HMMR: variants seen among roughly 807,000 people sequenced by gnomAD.
The protein encoded by HMMR is intracellular hyaluronic acid-binding protein.
In HMMR, 108 loss-of-function variants were observed where a neutral mutation model predicts 101.0. The ratio of observed to expected loss-of-function variants is 1.07; its 90% CI spans 0.92 to 1.25. HMMR has a LOEUF of 1.25. Ranked by LOEUF, HMMR falls within the 50% of genes most tolerant of loss-of-function variation. HMMR has a pLI of 0.00. For synonymous variants in HMMR, 296 were observed against 276.4 expected, an observed-to-expected ratio of 1.07 and a Z score of -0.70; for missense variants, 813 against 788.7, an observed-to-expected ratio of 1.03 and a Z score of -0.37.
Position 163,474,150 on chromosome 5 carries a change from G to T in HMMR, c.998G>T (p.Arg333Leu). 1 of 1,610,222 alleles carries T rather than the reference G, an allele frequency of 6.2e-7. No individual in the cohort carries two copies. The highest frequency in any genetic ancestry group is 8.5e-7 in the Non-Finnish European group (1 of 1,177,902). Residue 333 changes from arginine (R) to leucine (L), a missense_variant, in exon 10 of 18, where the codon CGT becomes CTT. By Grantham distance (102) the Arg-to-Leu change is moderately radical (BLOSUM62 -2). Transcript: ENST00000393915. ...AAGTTTATTCTTGAACAACAGGAAC[G>T]TGAAAAGCTTCAACAAAAAGAATTA... ...KQKFILEQQEREKLQQKELQI... is the reference protein window; with the variant it reads ...KQKFILEQQELEKLQQKELQI...
Position 163,471,474 on chromosome 5 carries a change from G to A in HMMR, c.650+11G>A. On this transcript the variant is annotated intron_variant, in intron 7 of 17. Transcript: ENST00000393915. The stretch of plus-strand genomic sequence containing the variant: ...ACTGGAGGGAAAACTGTAAGTGAGT[G>A]AATGTGAAGAGAAATTGTTAAGTGG... The A allele has an allele frequency of 1.3e-6, 2 of 1,547,804 alleles. No homozygotes were observed. Among genetic ancestry groups the A allele is most frequent in the Non-Finnish European group, 1.8e-6 (2 of 1,121,290 alleles).
chr5:163,486,321 T>C (rs887614059), intron 16 of HMMR, among the ~76,000 whole-genome samples: 3 of 152,220 alleles, frequency 2.0e-5, no homozygotes, highest in Non-Finnish European at 4.4e-5. Flanking sequence ...AACAATGTTT[T>C]ATAGTTTTCA....
At position 163,466,062 on chromosome 5, in the gene HMMR, G is replaced by A. The variant is rs182729110; in HGVS notation, c.225+1260G>A. 2.2e-4 allele frequency among the ~76,000 whole-genome samples: 33 copies of A among 151,352 alleles called. No homozygotes were observed. In the East Asian group the frequency reaches 5.1e-3, roughly 23 times the overall value. ...GTGGATTGCTTGAGGTCAAGAGTTC[G>A]AGACCAGCCTGACCCACATGGTGAA... On this transcript the variant is annotated intron_variant, in intron 3 of 17. Transcript: ENST00000393915.
chr5:163,470,977 G>A (rs1758868017), intron 5 of HMMR, among the ~76,000 whole-genome samples: 1 of 152,110 alleles, frequency 6.6e-6, no homozygotes, highest in South Asian at 2.1e-4. Flanking sequence ...CTGGACAGCG[G>A]AGCGAGACTT....
Position 163,490,462 on chromosome 5 carries a change from A to G in HMMR, c.2035A>G (p.Lys679Glu). The G allele has an allele frequency of 6.2e-7, 1 of 1,600,202 alleles. No individual in the cohort carries two copies. The part of the protein sequence containing the change: ...SETKLQEELN[K>E]VLGIKHFDPS... ...GACAAAACTTCAAGAGGAATTGAAT[A>G]AAGTTCTAGGTATCAAACACTTTGA... Residue 679 changes from lysine (K) to glutamate (E), a missense_variant, in exon 17 of 18, where the codon AAA (lysine) becomes GAA (glutamate). Coordinates refer to ENST00000393915, the MANE Select transcript of HMMR (RefSeq NM_001142556.2).
At chr5:163,461,586 A>C (rs1310921532) in intron 1 of HMMR, among the ~76,000 whole-genome samples, 2 of 152,064 alleles carry the variant, frequency 1.3e-5, no homozygotes, top group East Asian at 3.9e-4. Flanking sequence ...CGAGGTCAGG[A>C]GATCGAGACC....
intron 16 of HMMR, among the ~76,000 whole-genome samples, chr5:163,486,167 A>C (rs76977724): frequency 1.3e-5 from 2 of 152,174 alleles, no homozygotes; most frequent in Non-Finnish European, 2.9e-5. Flanking sequence ...TTTTTCTACA[A>C]AGAAACCAGC....
intron 12 of HMMR, among the ~76,000 whole-genome samples, chr5:163,482,283 C>T (rs1759295346): frequency 1.3e-5 from 2 of 152,318 alleles, no homozygotes; most frequent in South Asian, 4.1e-4. Context: ...GCGGTGATGA[C>T]CCTCATGCCA....
In HMMR at chr5:163,491,852, A is replaced by G. The variant is rs929997842; in HGVS notation, c.*688A>G. 8 of 152,222 alleles carry G rather than the reference A, an allele frequency of 5.3e-5. No individual in the cohort carries two copies. The highest frequency in any genetic ancestry group is 1.4e-4 in the African/African-American group (6 of 41,456). 9.4% of individuals were successfully genotyped at this position (152,222 alleles called of 1,614,324 possible). ...TGTAACTATTTCTTCAGAGTTTGTC[A>G]TATACTGCTTGTCATCTGCATGTCT... On this transcript the variant is annotated 3_prime_UTR_variant, in exon 18 of 18. Coordinates refer to ENST00000393915, the MANE Select transcript of HMMR (RefSeq NM_001142556.2).
At chr5:163,480,317 T>C (rs1759213353) in intron 12 of HMMR, among the ~76,000 whole-genome samples, 1 of 152,218 alleles carries the variant, frequency 6.6e-6, no homozygotes, top group South Asian at 2.1e-4. Flanking sequence ...AAAAATGTCA[T>C]CATAGTATAT....
chr5:163,478,688 G>A lies in HMMR; in HGVS notation c.1273G>A (p.Glu425Lys). 2 of 1,595,156 alleles carry A rather than the reference G, an allele frequency of 1.3e-6. No homozygotes were observed. The highest frequency in any genetic ancestry group is 1.7e-6 in the Non-Finnish European group (2 of 1,163,210). ...TCAATTATTTCTTTTTCTTAGGAAG[G>A]AGGCTGAACTGGAGAAAAGTAGTGC... ...KLLEEKLKGKEAELEKSSAAH... is the reference protein window; with the variant it reads ...KLLEEKLKGKKAELEKSSAAH... Residue 425 changes from glutamate (E) to lysine (K), a missense_variant, in exon 12 of 18, where the codon GAG becomes AAG. By Grantham distance (56) the Glu-to-Lys change is moderately conservative. Coordinates refer to ENST00000393915, the MANE Select transcript of HMMR (RefSeq NM_001142556.2).
chr5:163,469,187 A>G (rs1004167889), intron 4 of HMMR, among the ~76,000 whole-genome samples: 2 of 150,800 alleles, frequency 1.3e-5, no homozygotes, highest in Non-Finnish European at 1.5e-5. Context: ...ATATGGTGAA[A>G]CCCCGTCTCT....
In HMMR at chr5:163,491,321, G is replaced by A. The variant is rs1581207327; in HGVS notation, c.*157G>A. On this transcript the variant is annotated 3_prime_UTR_variant, in exon 18 of 18. Transcript: ENST00000393915. ...AACATTTTTTACCAAAGTGTCTTTT[G>A]ACATTTTATTTTTTCTTGCAAATAC... is the stretch of plus-strand genomic sequence containing the variant. 2.0e-6 allele frequency: 1 copy of A among 508,984 alleles called. No individual in the cohort carries two copies. Among genetic ancestry groups the A allele is most frequent in the South Asian group, 3.1e-5 (1 of 32,548 alleles). 31.5% of individuals were successfully genotyped at this position (508,984 alleles called of 1,614,324 possible).
chr5:163,478,087 C>T (rs1183606296), intron 11 of HMMR, among the ~76,000 whole-genome samples: 1 of 152,038 alleles, frequency 6.6e-6, no homozygotes, highest in East Asian at 1.9e-4. Context: ...AATTTTATCA[C>T]CACTTTGGAA....
intron 12 of HMMR, 51 bp downstream of exon 12, chr5:163,478,851 G>T: frequency 3.1e-6 from 3 of 977,572 alleles, no homozygotes; most frequent in Non-Finnish European, 5.0e-6. Flanking sequence ...GCAGAAAGGG[G>T]TGTTTACCCC....
rs893067291 is a variant in HMMR at position 163,470,167 on chromosome 5, C to CA, written c.462+344dup. Among the ~76,000 whole-genome samples, 4 of 151,988 alleles carry CA rather than the reference C, an allele frequency of 2.6e-5. No individual in the cohort carries two copies. In the East Asian group the frequency reaches 5.8e-4, roughly 22 times the overall value. ...TAGGCAAGAGAGTGCGACTCCATCT[C>CA]AAAAAACAAAACAAAACAAAACAAC... is the stretch of plus-strand genomic sequence containing the variant. On this transcript the variant is annotated intron_variant, in intron 5 of 17. Transcript: ENST00000393915.
At chr5:163,466,695 G>C (rs1180786109) in intron 3 of HMMR, among the ~76,000 whole-genome samples, 1 of 151,980 alleles carries the variant, frequency 6.6e-6, no homozygotes, top group Non-Finnish European at 1.5e-5. Context: ...AAACTTTAAA[G>C]ACTTAGTACA....
intron 12 of HMMR, among the ~76,000 whole-genome samples, chr5:163,480,736 G>T (rs2113498573): frequency 6.6e-6 from 1 of 152,182 alleles, no homozygotes; most frequent in South Asian, 2.1e-4. Context: ...TCTTATTGTG[G>T]ATAATTCATC....
intron 16 of HMMR, 145 bp downstream of exon 16, chr5:163,484,390 T>C: frequency 1.9e-6 from 1 of 537,236 alleles, no homozygotes; most frequent in Non-Finnish European, 3.3e-6. Context: ...AGTGGATTTA[T>C]TTTAGAGTGT....
Sources: gnomAD v4.1 joint callset for allele counts (sites outside exome capture counted in the v4.1 genomes callset) on GRCh38, gnomAD v4.1.1 for gene constraint, MANE v1.5 for transcripts, NCBI Gene and HGNC (gene_info 2026-07-23, HGNC 2026-07-21) for gene names.